The following STX17 variants were observed in gnomAD, a reference collection of about 807,000 sequenced individuals.
STX17 encodes the protein syntaxin 17, also known as syntaxin-17.
STX17 carries 29 observed loss-of-function variants against 35.9 expected under a neutral mutation model. The observed-to-expected ratio is 0.81, with a 90% CI of 0.60 to 1.10. The LOEUF is 1.10. STX17 is among the 50% of genes least tolerant of loss of function. The probability of loss-of-function intolerance (pLI) is 0.00; values close to 1 mark genes in which losing one functional copy is unlikely to be tolerated. For missense variants in STX17, 312 were observed against 352.3 expected (o/e 0.89, Z 0.92); for synonymous variants, 92 against 118.3 (o/e 0.78, Z 1.44).
chr9:99,925,079 T>C (rs1437543634), intron 2 of STX17, among the ~76,000 whole-genome samples: 2 of 152,188 alleles, frequency 1.3e-5, no homozygotes, highest in Admixed American at 6.5e-5. Flanking sequence ...TTCTTTTGGA[T>C]TAATCAAATA....
At chr9:99,928,896 G>C (rs1310087647) in intron 3 of STX17, 53 bp downstream of exon 3, 2 of 1,545,938 alleles carry the variant, frequency 1.3e-6, no homozygotes, top group African/African-American at 2.7e-5. Context: ...ACAGTCTTAA[G>C]ACAATTTTGC....
At chr9:99,945,103 A>G (rs1220940077) in intron 3 of STX17, among the ~76,000 whole-genome samples, 1 of 152,068 alleles carries the variant, frequency 6.6e-6, no homozygotes, top group South Asian at 2.1e-4. Context: ...ATAATGTTCT[A>G]TATAATTTAT....
chr9:99,923,285 G>A (rs1381907954), intron 2 of STX17, among the ~76,000 whole-genome samples: 2 of 152,064 alleles, frequency 1.3e-5, no homozygotes, highest in Non-Finnish European at 2.9e-5. Context: ...AGCTGCAAAT[G>A]TCTATGATAT....
At chr9:99,930,188 G>C (rs2118378894) in intron 3 of STX17, among the ~76,000 whole-genome samples, 1 of 152,184 alleles carries the variant, frequency 6.6e-6, no homozygotes, top group East Asian at 1.9e-4. Context: ...TGGGATTACA[G>C]GCATGAGTCA....
intron 4 of STX17, among the ~76,000 whole-genome samples, chr9:99,951,567 C>A (rs1457227523): frequency 6.6e-6 from 1 of 151,954 alleles, no homozygotes; most frequent in Non-Finnish European, 1.5e-5. Flanking sequence ...AGGATAATGT[C>A]ATTCTTGTCT....
In STX17 at chr9:99,908,724, G is replaced by A. The variant is rs145649697; in HGVS notation, c.-63+2018G>A. Among the ~76,000 whole-genome samples, 36 of 152,084 alleles carry A rather than the reference G, an allele frequency of 2.4e-4. No homozygotes were observed. In the East Asian group the frequency reaches 6.4e-3, roughly 27 times the overall value. ...TAGTCAGCCACTTCTCCAACGACCC[G>A]TAGTTTCTTTTTTTGGAGAATAGTA... is the stretch of plus-strand genomic sequence containing the variant. On this transcript the variant is annotated intron_variant, in intron 1 of 7. Transcript: ENST00000259400.
intron 1 of STX17, among the ~76,000 whole-genome samples, chr9:99,909,730 A>T (rs1288025299): frequency 6.6e-6 from 1 of 152,210 alleles, no homozygotes; most frequent in Non-Finnish European, 1.5e-5. Context: ...GAACAGGGTG[A>T]CTATAATAAT....
chr9:99,953,196 A>T (rs909269435), intron 4 of STX17, among the ~76,000 whole-genome samples: 7 of 152,012 alleles, frequency 4.6e-5, no homozygotes. Flanking sequence ...CAGAGAGATT[A>T]AAAAAAGCTT....
rs1328254669 is a variant in STX17 at position 99,972,028 on chromosome 9, C to T, written c.*3355C>T. ...AAGGTGGGTCATCCATTCTCCTTTA[C>T]CAAACAGGCTTTGAAATGACACATT... On this transcript the variant is annotated 3_prime_UTR_variant, in exon 8 of 8. Transcript: ENST00000259400. Among the ~76,000 whole-genome samples, 1 of 152,198 alleles carries T rather than the reference C, an allele frequency of 6.6e-6. No individual in the cohort carries two copies. The highest frequency in any genetic ancestry group is 1.5e-5 in the Non-Finnish European group (1 of 68,028).
chr9:99,938,936 A>G (rs1457049414), intron 3 of STX17, among the ~76,000 whole-genome samples: 2 of 152,134 alleles, frequency 1.3e-5, no homozygotes, highest in African/African-American at 4.8e-5. Flanking sequence ...TCCACATTAG[A>G]GATTCTGATT....
intron 3 of STX17, among the ~76,000 whole-genome samples, chr9:99,948,112 C>T (rs573219156): frequency 1.1e-4 from 16 of 152,128 alleles, no homozygotes; most frequent in South Asian, 1.0e-3. Context: ...CCTGTTCCCT[C>T]TGTTTGATTT....
At position 99,968,501 on chromosome 9, in the gene STX17, C is replaced by T; in HGVS notation, c.737C>T (p.Pro246Leu). The T allele has an allele frequency of 1.2e-6, 2 of 1,611,860 alleles. No individual in the cohort carries two copies. Among genetic ancestry groups the T allele is most frequent in the South Asian group, 1.1e-5 (1 of 90,768 alleles). ...CTCATCGGGGGAATGGTAGGGGGTC[C>T]TATTGGCCTCCTTGCAGGCTTCAAA... is the stretch of plus-strand genomic sequence containing the variant. ...GALIGGMVGG[P>L]IGLLAGFKVA... The change falls in exon 8 of 8, where the codon CCT (proline) becomes CTT (leucine). Residue 246 changes from proline (P) to leucine (L), a missense_variant. By Grantham distance (98) the Pro-to-Leu change is moderately conservative. Transcript: ENST00000259400.
chr9:99,938,195 T>C (rs953138571), intron 3 of STX17: 1 of 152,186 alleles, frequency 6.6e-6, no homozygotes, highest in Non-Finnish European at 1.5e-5. Context: ...TTTAGTGACC[T>C]CTAAATACCG....
intron 3 of STX17, among the ~76,000 whole-genome samples, chr9:99,934,409 T>C (rs1829184318): frequency 6.6e-6 from 1 of 152,228 alleles, no homozygotes; most frequent in Non-Finnish European, 1.5e-5. Context: ...TTTTTCTCTA[T>C]TGATTTTTAC....
chr9:99,928,860 T>C lies in STX17; in HGVS notation c.189+17T>C, dbSNP rs1301506653. 9.9e-6 allele frequency: 16 copies of C among 1,611,122 alleles called. No individual in the cohort carries two copies. Among genetic ancestry groups the C allele is most frequent in the Non-Finnish European group, 1.4e-5 (16 of 1,177,966 alleles). ...ACAGTTCAGGTAAGGCTATTATATT[T>C]TTTCTGCTAAATCAGTATGAAAAAG... On this transcript the variant is annotated intron_variant, in intron 3 of 7. Coordinates refer to ENST00000259400, the MANE Select transcript of STX17 (RefSeq NM_017919.3).
intron 1 of STX17, among the ~76,000 whole-genome samples, chr9:99,908,920 A>G (rs1056309559): frequency 1.3e-5 from 2 of 152,238 alleles, no homozygotes; most frequent in African/African-American, 4.8e-5. Flanking sequence ...ACAAAAGTTC[A>G]TCCCAGTAGC....
Position 99,970,758 on chromosome 9 carries a change from A to G in STX17, c.*2085A>G, listed in dbSNP as rs1830003466. ...CATATTACCCCACTCTTCCATCCCA[A>G]ATTGGCTATCCTTTCAGCCCACCAA... On this transcript the variant is annotated 3_prime_UTR_variant, in exon 8 of 8. Transcript: ENST00000259400. Among the ~76,000 whole-genome samples the G allele has an allele frequency of 6.6e-6, 1 of 152,174 alleles. No individual in the cohort carries two copies. Among genetic ancestry groups the G allele is most frequent in the African/African-American group, 2.4e-5 (1 of 41,424 alleles).
chr9:99,933,003 G>A (rs1448143110), intron 3 of STX17, among the ~76,000 whole-genome samples: 1 of 152,034 alleles, frequency 6.6e-6, no homozygotes, highest in Non-Finnish European at 1.5e-5. Context: ...TTGGCGGCTT[G>A]TTCAAGAAAT....
rs1830022499 is a variant in STX17 at position 99,971,899 on chromosome 9, C to T, written c.*3226C>T. Among the ~76,000 whole-genome samples, 1 of 152,086 alleles carries T rather than the reference C, an allele frequency of 6.6e-6. No individual in the cohort carries two copies. The highest frequency in any genetic ancestry group is 6.5e-5 in the Admixed American group (1 of 15,280). ...TTAGCTGGGTGTGGCATAGCACACACCTGTGGTCCCAGCTACATGGGAAGC... is the reference window on the plus strand; with the variant it reads ...TTAGCTGGGTGTGGCATAGCACACATCTGTGGTCCCAGCTACATGGGAAGC... On this transcript the variant is annotated 3_prime_UTR_variant, in exon 8 of 8. Transcript: ENST00000259400.
Sources: allele counts gnomAD v4.1 joint callset (sites outside exome capture counted in the v4.1 genomes callset), GRCh38; gene constraint gnomAD v4.1.1; transcripts MANE v1.5; gene names NCBI Gene and HGNC (gene_info 2026-07-23, HGNC 2026-07-21).